COL20A1: variants seen among roughly 807,000 people sequenced by gnomAD.
The protein encoded by COL20A1 is collagen type XX alpha 1 chain, also known as collagen alpha-1(XX) chain.
COL20A1 carries 164 observed loss-of-function variants against 152.9 expected under a neutral mutation model. That is an observed-to-expected ratio of 1.07 (90% confidence interval 0.94 to 1.22). The LOEUF is 1.22. Ranked by LOEUF, COL20A1 falls within the 50% of genes most tolerant of loss-of-function variation. COL20A1 has a pLI of 0.00. For missense variants in COL20A1, 1,873 were observed against 1,744.8 expected (o/e 1.07, Z -1.31); for synonymous variants, 864 against 756.0 (o/e 1.14, Z -2.34).
chr20:63,308,167 G>C (rs997218648), intron 7 of COL20A1, 77 bp downstream of exon 7: 2 of 1,558,710 alleles, frequency 1.3e-6, no homozygotes, highest in Non-Finnish European at 8.7e-7. Flanking sequence ...CCGAAAGCTT[G>C]TGTGTAAATC....
chr20:63,309,327 G>A lies in COL20A1; in HGVS notation c.941-6G>A, dbSNP rs550521859. 4.4e-5 allele frequency: 64 copies of A among 1,460,380 alleles called. No individual in the cohort carries two copies. In the East Asian group the frequency reaches 1.4e-3, roughly 33 times the overall value. 90.5% of individuals were successfully genotyped at this position (1,460,380 alleles called of 1,614,324 possible). A position where few individuals can be genotyped will look rare whatever the true frequency, so the allele number is the denominator to read the frequency against. ...AGGCCAACCCCACCTCCCTCCTCAC[G>A]AGCAGGTGTGAAGAACGCCGATGAG... On this transcript the variant is annotated splice_polypyrimidine_tract_variant and splice_region_variant and intron_variant, in intron 8 of 35. Transcript: ENST00000358894.
intron 3 of COL20A1, among the ~76,000 whole-genome samples, chr20:63,302,406 C>T (rs1163739561): frequency 2.0e-5 from 3 of 152,200 alleles, no homozygotes; most frequent in Non-Finnish European, 4.4e-5. Context: ...CTGAAGCCTC[C>T]TGCTTCCAGG....
At chr20:63,308,437 C>T in intron 7 of COL20A1, 105 bp from the exon 8 acceptor site, 1 of 1,171,656 alleles carries the variant, frequency 8.5e-7, no homozygotes, top group South Asian at 1.6e-5. Context: ...TCCTGATACC[C>T]CACAAGGGAA....
rs1320882688 is a variant in COL20A1, at chr20:63,306,132, G to C, written c.496+93G>C. 3 of 1,175,614 alleles carry C rather than the reference G, an allele frequency of 2.6e-6. No homozygotes were observed. Among genetic ancestry groups the C allele is most frequent in the Non-Finnish European group, 3.6e-6 (3 of 838,590 alleles). The allele number at this position is 1,175,614 out of a possible 1,614,324, so 72.8% of individuals were successfully genotyped here. On this transcript the variant is annotated intron_variant, in intron 5 of 35. Transcript: ENST00000358894. The surrounding 1 kb of genome is among the most constrained non-coding windows in gnomAD (Gnocchi z 6.9). ...CCATGAGGCCAGGAAGTTCTTCCTC[G>C]TGTCTGACCACACGGTCTCTGACCA...
At chr20:63,324,982 G>A (rs1191377589) in intron 27 of COL20A1, 4 of 287,266 alleles carry the variant, frequency 1.4e-5, no homozygotes, top group African/African-American at 9.2e-5. Flanking sequence ...TTAGAACCCA[G>A]AGTTGGGCAG....
At chr20:63,324,104 T>A (rs980029924) in intron 27 of COL20A1, among the ~76,000 whole-genome samples, 4 of 152,214 alleles carry the variant, frequency 2.6e-5, no homozygotes, top group Admixed American at 6.5e-5. Context: ...TCTTTTTTGT[T>A]GCTATTATAA....
chr20:63,294,432 G>A (rs1409343945), intron 1 of COL20A1, among the ~76,000 whole-genome samples: 1 of 151,780 alleles, frequency 6.6e-6, no homozygotes, highest in African/African-American at 2.4e-5. Flanking sequence ...GCCCCTTTGA[G>A]TGGGCCGGGC....
At chr20:63,301,176 G>A (rs534129524) in intron 3 of COL20A1, among the ~76,000 whole-genome samples, 8 of 152,282 alleles carry the variant, frequency 5.3e-5, no homozygotes, top group Admixed American at 2.0e-4. Flanking sequence ...TTAGCTGGGC[G>A]TGGTGGCACA....
rs1426494346 is a variant in COL20A1, at chr20:63,305,653, T to G, written c.337+93T>G. 1 of 1,404,118 alleles carries G rather than the reference T, an allele frequency of 7.1e-7. No individual in the cohort carries two copies. The highest frequency in any genetic ancestry group is 9.6e-7 in the Non-Finnish European group (1 of 1,046,230). 87.0% of individuals were successfully genotyped at this position (1,404,118 alleles called of 1,614,324 possible). On this transcript the variant is annotated intron_variant, in intron 4 of 35. Transcript: ENST00000358894. This position sits in a 1 kb window ranked among gnomAD's most constrained non-coding sequence, Gnocchi z 4.9. ...GGTCCCACCCTCCTCCAGGCTGCGT[T>G]CCAGCCCCAGGGGTGGGTATGTGTG...
rs997829482 is a variant in COL20A1, at chr20:63,319,878, G to T, written c.2917-161G>T. Among the ~76,000 whole-genome samples, 1 of 152,148 alleles carries T rather than the reference G, an allele frequency of 6.6e-6. No individual in the cohort carries two copies. The highest frequency in any genetic ancestry group is 2.4e-5 in the African/African-American group (1 of 41,442). ...AGAGGGGAAGCCGAGGCCCAGCAAG[G>T]GGGGGTTCTCCCAGGGTCCCCCGAA... On this transcript the variant is annotated intron_variant, in intron 23 of 35. Transcript: ENST00000358894. The surrounding 1 kb of genome is among the most constrained non-coding windows in gnomAD (Gnocchi z 4.4).
intron 30 of COL20A1, among the ~76,000 whole-genome samples, 192 bp downstream of exon 30, chr20:63,326,341 G>A (rs2068247739): frequency 6.6e-6 from 1 of 152,170 alleles, no homozygotes; most frequent in African/African-American, 2.4e-5. Context: ...AGCACTGCAT[G>A]CTCCCAAGTG....
At position 63,328,441 on chromosome 20, in the gene COL20A1, A is replaced by T; in HGVS notation, c.3724A>T (p.Ser1242Cys). 1.2e-6 allele frequency: 2 copies of T among 1,612,598 alleles called. No individual in the cohort carries two copies. Among genetic ancestry groups the T allele is most frequent in the Non-Finnish European group, 1.7e-6 (2 of 1,179,730 alleles). Residue 1242 changes from serine (S) to cysteine (C), a missense_variant, in exon 34 of 36, where the codon AGC (serine) becomes TGC (cysteine). Coordinates refer to ENST00000358894, the MANE Select transcript of COL20A1 (RefSeq NM_020882.4). The part of the protein sequence containing the change: ...TEPLGSPGTR[S>C]KALVPGEWGR... ...GCCCCTGGGGTCCCCTGGCACCCGC[A>T]GCAAGGCCCTGGTTCCTGGAGAATG...
rs1234516807 is a variant in COL20A1 at position 63,298,437 on chromosome 20, C to T, written c.193+417C>T. Among the ~76,000 whole-genome samples the T allele has an allele frequency of 2.6e-5, 4 of 151,936 alleles. 1 individual carries two copies. The South Asian group carries it at 6.2e-4, about 24-fold the overall frequency. On this transcript the variant is annotated intron_variant, in intron 3 of 35. Transcript: ENST00000358894. ...TCCTGTGTAGCTGGGAGTACAGGTG[C>T]GTGCCACCACTCCTGGCTAATTTTT... is the stretch of plus-strand genomic sequence containing the variant.
chr20:63,329,481 C>T (rs559951767), intron 34 of COL20A1, 104 bp from the exon 35 acceptor site: 2 of 849,854 alleles, frequency 2.4e-6, no homozygotes, highest in Non-Finnish European at 3.8e-6. Context: ...ACCAGACCTG[C>T]TGCCTGTGCC....
chr20:63,309,125 T>G (rs1254243146), intron 8 of COL20A1, among the ~76,000 whole-genome samples: 1 of 152,150 alleles, frequency 6.6e-6, no homozygotes, highest in African/African-American at 2.4e-5. Flanking sequence ...ACCCCAGATT[T>G]CGAGGCAGGA....
chr20:63,323,301 T>G (rs1601437560), intron 27 of COL20A1, among the ~76,000 whole-genome samples: 1 of 152,282 alleles, frequency 6.6e-6, no homozygotes, highest in Admixed American at 6.5e-5. Context: ...GGCATTTTCT[T>G]GTCTTTTGAC....
chr20:63,301,307 T>G (rs1428347720), intron 3 of COL20A1, among the ~76,000 whole-genome samples: 1 of 152,134 alleles, frequency 6.6e-6, no homozygotes, highest in African/African-American at 2.4e-5. Flanking sequence ...AGAGCAAGAC[T>G]CCGTCTCAAA....
At chr20:63,318,623 G>A (rs1220693290) in intron 21 of COL20A1, among the ~76,000 whole-genome samples, 4 of 152,094 alleles carry the variant, frequency 2.6e-5, no homozygotes, top group Admixed American at 2.6e-4. Context: ...GTCCTGGGCC[G>A]GCACCCCTCA....
In COL20A1 at chr20:63,307,612, G is replaced by A. The variant is rs747998055; in HGVS notation, c.619G>A (p.Ala207Thr). 1.3e-5 allele frequency: 21 copies of A among 1,612,442 alleles called. No homozygotes were observed. The highest frequency in any genetic ancestry group is 8.0e-5 in the African/African-American group (6 of 74,930). The change falls in exon 6 of 36, where the codon GCA becomes ACA. Residue 207 changes from alanine (A) to threonine (T), a missense_variant. Coordinates refer to ENST00000358894, the MANE Select transcript of COL20A1 (RefSeq NM_020882.4). ...QVKDFLASVI[A>T]PFEIGPDKVQ... is the part of the protein sequence containing the mutation. ...CAAGGACTTCCTGGCCAGTGTCATCGCACCCTTTGAAATCGGGCCGGATAA... is the reference window on the plus strand; with the variant it reads ...CAAGGACTTCCTGGCCAGTGTCATCACACCCTTTGAAATCGGGCCGGATAA...
Sources: gnomAD v4.1 joint callset for allele counts (sites outside exome capture counted in the v4.1 genomes callset) on GRCh38, gnomAD v4.1.1 for gene constraint, Gnocchi (gnomAD v3.1) non-coding constraint, MANE v1.5 for transcripts, NCBI Gene and HGNC (gene_info 2026-07-23, HGNC 2026-07-21) for gene names.